Variants in FAM9B observed in about 807,000 individuals in gnomAD.
FAM9B encodes the protein protein FAM9B.
In FAM9B, 18 loss-of-function variants were observed where a neutral mutation model predicts 16.6. The ratio of observed to expected loss-of-function variants is 1.09; its 90% CI spans 0.75 to 1.61. FAM9B has a LOEUF of 1.61. Ranked by LOEUF, FAM9B falls within the 40% of genes most tolerant of loss-of-function variation. The pLI is 0.00. For synonymous variants in FAM9B, 43 were observed against 42.6 expected, an observed-to-expected ratio of 1.01 and a Z score of -0.03; for missense variants, 155 against 136.0, an observed-to-expected ratio of 1.14 and a Z score of -0.70.
Position 9,029,366 on chromosome X carries a change from ATT to A in FAM9B, c.332_333del (p.Glu111ValfsTer21). 4.1e-6 allele frequency: 5 copies of A among 1,209,914 alleles called. No homozygotes were observed. The highest frequency in any genetic ancestry group is 5.6e-6 in the Non-Finnish European group (5 of 894,295). On this transcript the variant is annotated frameshift_variant, in exon 6 of 9. Coordinates refer to ENST00000327220, the MANE Select transcript of FAM9B (RefSeq NM_205849.3). LOFTEE classifies it high-confidence loss of function. ...HSLKLLNVLE[E>X]YITDEQKEEE... ...TCCTCTTTCTGCTCGTCTGTGATGT[ATT>A]CTTCAAGGACATTTAGCAACTTCAG...
rs777746215 is a variant in FAM9B at position 9,029,335 on chromosome X, T to C, written c.365A>G (p.Glu122Gly). 1 of 1,207,349 alleles carries C rather than the reference T, an allele frequency of 8.3e-7. No homozygotes were observed. Among genetic ancestry groups the C allele is most frequent in the South Asian group, 1.8e-5 (1 of 56,626 alleles). ...TAGTTCTTCCTCTTCTCCCTCTTCT[T>C]CTTCTTCCTCTTTCTGCTCGTCTGT... ...YITDEQKEEE[E>G]EEGEEEELIR... The change falls in exon 6 of 9, where the codon GAA becomes GGA. Residue 122 changes from glutamate to glycine, a missense_variant. Glu to Gly is a moderately conservative substitution (Grantham distance 98, BLOSUM62 -2). Coordinates refer to ENST00000327220, the MANE Select transcript of FAM9B (RefSeq NM_205849.3).
Position 9,030,351 on chromosome X carries a change from G to A in FAM9B, c.191C>T (p.Thr64Ile), listed in dbSNP as rs138861128. 3.4e-6 allele frequency: 4 copies of A among 1,187,684 alleles called. No individual in the cohort carries two copies. The highest frequency in any genetic ancestry group is 3.5e-5 in the African/African-American group (2 of 56,558). Residue 64 changes from threonine to isoleucine, a missense_variant, in exon 5 of 9, where the codon ACT (threonine) becomes ATT (isoleucine). Thr to Ile is a moderately conservative substitution (Grantham distance 89). Coordinates refer to ENST00000327220, the MANE Select transcript of FAM9B (RefSeq NM_205849.3). ...KKPEDTAEDLTAKRKRMKMDK... is the reference protein window; with the variant it reads ...KKPEDTAEDLIAKRKRMKMDK... The stretch of plus-strand genomic sequence containing the variant: ...CATTTTCATCCTTTTTCTTTTTGCA[G>A]TAAGATCCTCTTTAATGTCAGTTAG...
Position 9,032,141 on chromosome X carries a change from T to C in FAM9B, c.170A>G (p.Glu57Gly). The C allele has an allele frequency of 8.3e-7, 1 of 1,207,754 alleles. No individual in the cohort carries two copies. The highest frequency in any genetic ancestry group is 1.1e-6 in the Non-Finnish European group (1 of 893,731). ...CTCCTAAAACATACCTGCAGTATCT[T>C]CTGGCTTCTTGGTATTAGCCCTGTA... Reference protein sequence around the residue: ...EHTGANTKKPEDTAEDLTAKR... With the variant: ...EHTGANTKKPGDTAEDLTAKR... Residue 57 changes from glutamate (E) to glycine (G), a missense_variant, in exon 4 of 9, where the codon GAA (glutamate) becomes GGA (glycine). Physicochemically the swap from Glu to Gly is moderately conservative, Grantham distance 98 (BLOSUM62 -2). Coordinates refer to ENST00000327220, the MANE Select transcript of FAM9B (RefSeq NM_205849.3).
intron 4 of FAM9B, 139 bp from the exon 5 acceptor site, chrX:9,030,499 G>C: frequency 2.4e-6 from 1 of 420,061 alleles, no homozygotes. Flanking sequence ...AAAATGCAAA[G>C]ATCATTTCAA....
At chrX:9,027,834 T>A in intron 7 of FAM9B, 34 bp downstream of exon 7, 1 of 1,096,164 alleles carries the variant, frequency 9.1e-7, no homozygotes, top group South Asian at 1.8e-5. Flanking sequence ...CGTGTTGTAT[T>A]TTATAATGTA....
At chrX:9,033,405 A>T (rs1347227594) in intron 1 of FAM9B, 2 of 945,035 alleles carry the variant, frequency 2.1e-6, no homozygotes, top group African/African-American at 4.0e-5. Context: ...GTGACACAGG[A>T]TCTCCCCAGC....
At position 9,029,179 on chromosome X, in the gene FAM9B, T is replaced by C. The variant is rs762750053; in HGVS notation, c.393+128A>G. 105 of 505,231 alleles carry C rather than the reference T, an allele frequency of 2.1e-4. No homozygotes were observed. The African/African-American group carries it at 2.2e-3, about 11-fold the overall frequency. 41.6% of individuals were successfully genotyped at this position (505,231 alleles called of 1,213,427 possible). The stretch of plus-strand genomic sequence containing the variant: ...TGGCAATTATATTCCCCTAGTCCAT[T>C]AGTCCACTAACGGGCCCCCCTCTCT... On this transcript the variant is annotated intron_variant, in intron 6 of 8. Transcript: ENST00000327220.
intron 1 of FAM9B, chrX:9,033,453 G>GC (rs1040981734): frequency 5.0e-6 from 4 of 796,754 alleles, no homozygotes; most frequent in Non-Finnish European, 6.2e-6. Flanking sequence ...ACTGCCACTC[G>GC]CCCCCCTGGA....
rs917501448 is a variant in FAM9B at position 9,034,065 on chromosome X, A to C, written c.-303T>G. ...CAAAAAAAACAAAACAAAAAAACAA[A>C]AAAAAAGAAAAGTAAAGAAAACGGG... is the stretch of plus-strand genomic sequence containing the variant. On this transcript the variant is annotated 5_prime_UTR_variant, in exon 1 of 9. Coordinates refer to ENST00000327220, the MANE Select transcript of FAM9B (RefSeq NM_205849.3). The C allele has an allele frequency of 1.9e-5, 4 of 208,849 alleles. No homozygotes were observed. Among genetic ancestry groups the C allele is most frequent in the Admixed American group, 9.1e-5 (1 of 10,988 alleles). 17.2% of individuals were successfully genotyped at this position (208,849 alleles called of 1,213,427 possible). A position where few individuals can be genotyped will look rare whatever the true frequency, so the allele number is the denominator to read the frequency against.
chrX:9,033,844 T>G lies in FAM9B; in HGVS notation c.-90+8A>C, dbSNP rs1387167397. ...TGCGTTCCCGCCTCCCCACCACGAG[T>G]GCTTCACCTGAGGGACCCCTGATGT... On this transcript the variant is annotated splice_region_variant and intron_variant, in intron 1 of 8. Transcript: ENST00000327220. The G allele has an allele frequency of 4.0e-6, 3 of 752,400 alleles. No homozygotes were observed. Among genetic ancestry groups the G allele is most frequent in the Non-Finnish European group, 4.7e-6 (3 of 638,924 alleles). The allele number at this position is 752,400 out of a possible 1,213,427, so 62.0% of individuals were successfully genotyped here.
intron 2 of FAM9B, 107 bp downstream of exon 2, chrX:9,032,852 G>T: frequency 9.3e-7 from 1 of 1,079,483 alleles, no homozygotes; most frequent in Non-Finnish European, 1.2e-6. Context: ...CCAGAGCCAC[G>T]AAGGGGCCTG....
chrX:9,033,684 C>G (rs1470546146), intron 1 of FAM9B, 168 bp downstream of exon 1: 1 of 111,910 alleles, frequency 8.9e-6, no homozygotes, highest in Admixed American at 1.1e-4. Flanking sequence ...TGCCCTGGCC[C>G]ACCCCAGCCC....
At position 9,032,991 on chromosome X, in the gene FAM9B, T is replaced by G; in HGVS notation, c.-5A>C. ...CTTCTTCCCCCAGGCCGCCATAAATTGAGCCTCCAACTGGGCCTTGGCAGC... is the reference window on the plus strand; with the variant it reads ...CTTCTTCCCCCAGGCCGCCATAAATGGAGCCTCCAACTGGGCCTTGGCAGC... On this transcript the variant is annotated 5_prime_UTR_variant, in exon 2 of 9. Coordinates refer to ENST00000327220, the MANE Select transcript of FAM9B (RefSeq NM_205849.3). 1 of 1,211,929 alleles carries G rather than the reference T, an allele frequency of 8.3e-7. No individual in the cohort carries two copies. The highest frequency in any genetic ancestry group is 1.1e-6 in the Non-Finnish European group (1 of 895,545).
At position 9,031,788 on chromosome X, in the gene FAM9B, C is replaced by A. The variant is rs1921081198; in HGVS notation, c.181+342G>T. The A allele has an allele frequency of 1.9e-5, 3 of 159,261 alleles. No homozygotes were observed. In the South Asian group the frequency reaches 8.2e-4, roughly 44 times the overall value. The allele number at this position is 159,261 out of a possible 1,213,427, so 13.1% of individuals were successfully genotyped here. On this transcript the variant is annotated intron_variant, in intron 4 of 8. Transcript: ENST00000327220. ...AACTTAAAGTAAAAGCTAAAAAAAA[C>A]CATTGATATATGACTTAATCTGTGT...
At chrX:9,028,204 C>T (rs772622682) in intron 6 of FAM9B, among the ~76,000 whole-genome samples, 1 of 112,087 alleles carries the variant, frequency 8.9e-6, no homozygotes, top group African/African-American at 3.2e-5. Flanking sequence ...ACACATTCAA[C>T]ACATATGTCC....
chrX:9,029,812 C>G (rs2146823644), intron 5 of FAM9B, among the ~76,000 whole-genome samples: 1 of 112,160 alleles, frequency 8.9e-6, no homozygotes, highest in South Asian at 3.7e-4. Flanking sequence ...CTTCACTTAA[C>G]TATTTCTCCA....
intron 4 of FAM9B, 195 bp downstream of exon 4, chrX:9,031,935 T>C (rs1460729048): frequency 7.5e-6 from 3 of 400,910 alleles, no homozygotes; most frequent in Middle Eastern, 1.4e-3. Flanking sequence ...ATTAGAAGCA[T>C]TCTCACATTC....
intron 4 of FAM9B, chrX:9,030,623 C>A: frequency 4.4e-6 from 1 of 225,488 alleles, no homozygotes; most frequent in Non-Finnish European, 7.9e-6. Flanking sequence ...TGAAAAAAAG[C>A]AAATAATTAA....
At chrX:9,028,009 T>A (rs372662677) in intron 6 of FAM9B, 43 bp from the exon 7 acceptor site, 1 of 946,802 alleles carries the variant, frequency 1.1e-6, no homozygotes, top group South Asian at 2.0e-5. Flanking sequence ...TGGGTAAATT[T>A]TAATACTTAC....
Sources: gnomAD v4.1 joint callset for allele counts (sites outside exome capture counted in the v4.1 genomes callset) on GRCh38, gnomAD v4.1.1 for gene constraint, MANE v1.5 for transcripts, NCBI Gene and HGNC (gene_info 2026-07-23, HGNC 2026-07-21) for gene names.